FSTL5: variants seen among roughly 807,000 people sequenced by gnomAD.
FSTL5 encodes the protein follistatin-related protein 5.
Under a neutral mutation model 89.1 loss-of-function variants are expected in FSTL5, and 62 were observed. The ratio of observed to expected loss-of-function variants is 0.70; its 90% CI spans 0.57 to 0.86. The LOEUF is 0.86. Among genes scored for constraint, FSTL5 ranks in the 40% least tolerant of loss-of-function variants. The probability of loss-of-function intolerance (pLI) is 0.00; values close to 1 mark genes in which losing one functional copy is unlikely to be tolerated. For synonymous variants in FSTL5, 383 were observed against 346.2 expected, an observed-to-expected ratio of 1.11 and a Z score of -1.18; for missense variants, 1,057 against 1,001.6, an observed-to-expected ratio of 1.06 and a Z score of -0.75.
chr4:161,517,415 T>G (rs1730879536), intron 10 of FSTL5, among the ~76,000 whole-genome samples: 1 of 152,224 alleles, frequency 6.6e-6, no homozygotes, highest in Non-Finnish European at 1.5e-5. Flanking sequence ...ATGTAAAATT[T>G]TTTTTGAAGA....
At position 161,664,583 on chromosome 4, in the gene FSTL5, T is replaced by C. The variant is rs187324674; in HGVS notation, c.728-8089A>G. 6.0e-3 allele frequency among the ~76,000 whole-genome samples: 917 copies of C among 152,320 alleles called. 9 individuals are homozygous for C. Among genetic ancestry groups the C allele is most frequent in the South Asian group, 0.045 (219 of 4,824 alleles). On this transcript the variant is annotated intron_variant, in intron 6 of 15. Coordinates refer to ENST00000306100, the MANE Select transcript of FSTL5 (RefSeq NM_020116.5). ...CATCAGCATTTTTGTCAAAGCCATT[T>C]AATAAGTCTCTAGGAGGTTCCAAAC...
chr4:161,556,844 G>GTATATATATATA (rs962466232), intron 8 of FSTL5, among the ~76,000 whole-genome samples: 5 of 144,894 alleles, frequency 3.5e-5, no homozygotes, highest in Admixed American at 7.0e-5. Context: ...GTGTGTGTGT[G>GTATATATATATA]TGTATATATA....
chr4:161,524,057 G>T (rs903960018), intron 10 of FSTL5, among the ~76,000 whole-genome samples: 1 of 151,954 alleles, frequency 6.6e-6, no homozygotes, highest in African/African-American at 2.4e-5. Flanking sequence ...ATACCTCTCT[G>T]GCATTAATGT....
In FSTL5 at chr4:162,111,359, A is replaced by T; in HGVS notation, c.38T>A (p.Phe13Tyr). The T allele has an allele frequency of 6.2e-7, 1 of 1,612,650 alleles. No homozygotes were observed. The highest frequency in any genetic ancestry group is 8.5e-7 in the Non-Finnish European group (1 of 1,179,000). Residue 13 changes from phenylalanine to tyrosine, a missense_variant, in exon 2 of 16, where the codon TTC becomes TAC. Physicochemically the swap from Phe to Tyr is conservative, Grantham distance 22. This residue lies in a region of FSTL5 where 980 missense variants were observed against 903.2 expected (regional missense o/e 1.08). Transcript: ENST00000306100. ...KCWSVVLVLGFIFLESEGRPT... is the reference protein window; with the variant it reads ...KCWSVVLVLGYIFLESEGRPT... Reference sequence around the variant, plus strand: ...CCTTCCTTCCGACTCCAGAAAAATGAATCCGAGAACCAAGACAACTGACCA... The same window carrying T: ...CCTTCCTTCCGACTCCAGAAAAATGTATCCGAGAACCAAGACAACTGACCA...
At position 161,497,812 on chromosome 4, in the gene FSTL5, G is replaced by A. The variant is rs746996077; in HGVS notation, c.1458+2204C>T. ...AACTAGTTATCTCTACTTTGTCGCCGTTGGTGTATGTTTGTGGATAAGGGT... is the reference window on the plus strand; with the variant it reads ...AACTAGTTATCTCTACTTTGTCGCCATTGGTGTATGTTTGTGGATAAGGGT... On this transcript the variant is annotated intron_variant, in intron 12 of 15. Transcript: ENST00000306100. Among the ~76,000 whole-genome samples the A allele has an allele frequency of 1.8e-4, 27 of 151,862 alleles. 2 individuals carry two copies. The highest frequency in any genetic ancestry group is 7.7e-4 in the East Asian group (4 of 5,182).
At chr4:161,425,199 T>A (rs1461988673) in intron 15 of FSTL5, among the ~76,000 whole-genome samples, 1 of 152,212 alleles carries the variant, frequency 6.6e-6, no homozygotes, top group East Asian at 1.9e-4. Flanking sequence ...CGAATTTTTT[T>A]AAAAAAGATT....
At chr4:161,447,896 A>G (rs958991904) in intron 15 of FSTL5, among the ~76,000 whole-genome samples, 1 of 152,142 alleles carries the variant, frequency 6.6e-6, no homozygotes, top group Non-Finnish European at 1.5e-5. Flanking sequence ...TTTGTTTGAC[A>G]AACAATTTAT....
intron 4 of FSTL5, among the ~76,000 whole-genome samples, chr4:161,827,753 C>G (rs1221279316): frequency 6.6e-6 from 1 of 152,112 alleles, no homozygotes; most frequent in Non-Finnish European, 1.5e-5. Flanking sequence ...CAGTTACAGG[C>G]CTCACCCAGC....
chr4:161,400,830 T>A (rs1406179130), intron 15 of FSTL5, among the ~76,000 whole-genome samples: 1 of 152,156 alleles, frequency 6.6e-6, no homozygotes, highest in African/African-American at 2.4e-5. Flanking sequence ...AAAATTGGAA[T>A]AAACTATTTC....
At chr4:161,615,293 CAAAA>C (rs1203046031) in intron 7 of FSTL5, among the ~76,000 whole-genome samples, 1 of 26,464 alleles carries the variant, frequency 3.8e-5, no homozygotes, top group Non-Finnish European at 7.1e-5. Context: ...GACTCTGTCT[CAAAA>C]AAAAAAAAAA....
intron 4 of FSTL5, among the ~76,000 whole-genome samples, chr4:161,800,372 A>G (rs928829421): frequency 5.3e-5 from 8 of 151,730 alleles, no homozygotes; most frequent in Non-Finnish European, 8.9e-5. Flanking sequence ...AACTACAGCA[A>G]CTGTCACTGT....
At chr4:161,393,520 C>T (rs539905305) in intron 15 of FSTL5, among the ~76,000 whole-genome samples, 23 of 152,194 alleles carry the variant, frequency 1.5e-4, no homozygotes, top group African/African-American at 5.5e-4. Context: ...GATGTAGCTA[C>T]ATCCCGGCTT....
chr4:161,676,934 T>G (rs1737326466), intron 6 of FSTL5, among the ~76,000 whole-genome samples: 1 of 152,038 alleles, frequency 6.6e-6, no homozygotes, highest in African/African-American at 2.4e-5. Flanking sequence ...TACTTTTTAA[T>G]ATTTAAACTA....
chr4:161,976,195 A>C (rs1057118296), intron 3 of FSTL5, among the ~76,000 whole-genome samples: 1 of 152,002 alleles, frequency 6.6e-6, no homozygotes, highest in African/African-American at 2.4e-5. Flanking sequence ...GGGAAACTTA[A>C]GAGCGTAAGC....
chr4:162,048,057 C>T (rs1424293492), intron 2 of FSTL5, among the ~76,000 whole-genome samples: 3 of 151,628 alleles, frequency 2.0e-5, no homozygotes, highest in Non-Finnish European at 4.4e-5. Flanking sequence ...CCAGGTGTGG[C>T]GGGTCACGCC....
chr4:161,461,286 T>TACA (rs1173039675), intron 13 of FSTL5, among the ~76,000 whole-genome samples: 5 of 38,756 alleles, frequency 1.3e-4, no homozygotes, highest in Admixed American at 6.1e-4. Context: ...CTACTAAAAA[T>TACA]ACAAAAAAAA....
intron 4 of FSTL5, among the ~76,000 whole-genome samples, chr4:161,885,420 A>G (rs1732776440): frequency 6.6e-6 from 1 of 152,122 alleles, no homozygotes; most frequent in Non-Finnish European, 1.5e-5. Context: ...ATGGCAAAAA[A>G]AAGCCTTACC....
intron 5 of FSTL5, among the ~76,000 whole-genome samples, chr4:161,761,108 T>C (rs2126790768): frequency 6.6e-6 from 1 of 152,300 alleles, no homozygotes; most frequent in South Asian, 2.1e-4. Flanking sequence ...ATTTGTTACC[T>C]TGAGGAAGAA....
At chr4:161,875,187 G>A (rs1308347288) in intron 4 of FSTL5, among the ~76,000 whole-genome samples, 3 of 152,030 alleles carry the variant, frequency 2.0e-5, no homozygotes, top group Admixed American at 6.6e-5. Context: ...GGCTGTTTAA[G>A]GCCAACTTCC....
Sources: allele counts gnomAD v4.1 joint callset (sites outside exome capture counted in the v4.1 genomes callset), GRCh38; gene constraint gnomAD v4.1.1; regional missense constraint gnomAD v4.1.1; transcripts MANE v1.5; gene names NCBI Gene and HGNC (gene_info 2026-07-23, HGNC 2026-07-21).